TMCO4: variants seen among roughly 807,000 people sequenced by gnomAD.
TMCO4 encodes the protein transmembrane and coiled-coil domains 4, also known as transmembrane and coiled-coil domain-containing protein 4.
A neutral mutation model predicts 64.7 loss-of-function variants in TMCO4; 58 were observed. The ratio of observed to expected loss-of-function variants is 0.90; its 90% CI spans 0.73 to 1.12. The LOEUF (loss-of-function observed/expected upper bound fraction) is 1.12, where lower values mean the gene tolerates loss of function less well. TMCO4 is among the 50% of genes most tolerant of loss of function. The pLI, the probability that TMCO4 is intolerant of heterozygous loss-of-function variation, is 0.00. For synonymous variants in TMCO4, 325 were observed against 346.1 expected (o/e 0.94, Z 0.68); for missense variants, 780 against 825.9 (o/e 0.94, Z 0.68).
At chr1:19,717,633 G>A (rs1195386136) in intron 13 of TMCO4, among the ~76,000 whole-genome samples, 1 of 152,164 alleles carries the variant, frequency 6.6e-6, no homozygotes, top group African/African-American at 2.4e-5. Flanking sequence ...TCCTGCCTCT[G>A]GACTTTGGGT....
chr1:19,684,443 G>A (rs901000894), intron 15 of TMCO4, among the ~76,000 whole-genome samples: 2 of 152,094 alleles, frequency 1.3e-5, no homozygotes, highest in Admixed American at 6.6e-5. Flanking sequence ...GCAGCTCTAG[G>A]CTACTCCAGA....
intron 3 of TMCO4, among the ~76,000 whole-genome samples, chr1:19,785,381 T>C (rs1054440067): frequency 2.6e-5 from 4 of 152,270 alleles, no homozygotes; most frequent in African/African-American, 7.2e-5. Flanking sequence ...TCTTTTGTTT[T>C]GTTTTGTTTT....
chr1:19,704,764 A>C (rs1445122728), intron 13 of TMCO4, among the ~76,000 whole-genome samples: 1 of 152,172 alleles, frequency 6.6e-6, no homozygotes, highest in Non-Finnish European at 1.5e-5. Context: ...CACAGTCAGG[A>C]TCCACGGACA....
At chr1:19,781,924 G>A (rs2101077924) in intron 3 of TMCO4, among the ~76,000 whole-genome samples, 1 of 152,360 alleles carries the variant, frequency 6.6e-6, no homozygotes, top group East Asian at 1.9e-4. Context: ...GGGATTACAG[G>A]CATGAGCCAC....
intron 13 of TMCO4, among the ~76,000 whole-genome samples, chr1:19,716,354 C>G (rs926073222): frequency 6.8e-6 from 1 of 146,024 alleles, no homozygotes; most frequent in Non-Finnish European, 1.5e-5. Context: ...CCACTACGCC[C>G]GGCTATTTTT....
At chr1:19,695,845 C>G (rs2095232716) in intron 14 of TMCO4, among the ~76,000 whole-genome samples, 1 of 152,182 alleles carries the variant, frequency 6.6e-6, no homozygotes, top group African/African-American at 2.4e-5. Flanking sequence ...TCATCCGTCC[C>G]TAACTCCTTC....
chr1:19,686,094 A>C (rs2095147237), intron 15 of TMCO4, among the ~76,000 whole-genome samples: 2 of 152,158 alleles, frequency 1.3e-5, no homozygotes, highest in East Asian at 1.9e-4. Context: ...GAAGGTTAAA[A>C]ATCATCCTCA....
chr1:19,696,017 C>A (rs2095234059), intron 14 of TMCO4, among the ~76,000 whole-genome samples: 1 of 152,152 alleles, frequency 6.6e-6, no homozygotes, highest in Non-Finnish European at 1.5e-5. Context: ...CCCTCCCCGC[C>A]CCATGGATGA....
At chr1:19,794,085 CCTCCT>C (rs2044187482) in intron 2 of TMCO4, among the ~76,000 whole-genome samples, 1 of 152,032 alleles carries the variant, frequency 6.6e-6, no homozygotes, top group Admixed American at 6.6e-5. Context: ...CTAGCCACAC[CCTCCT>C]CCCTGCAGCT....
At chr1:19,737,757 G>A (rs890924289) in intron 12 of TMCO4, among the ~76,000 whole-genome samples, 1 of 152,250 alleles carries the variant, frequency 6.6e-6, no homozygotes, top group African/African-American at 2.4e-5. Context: ...TCTTCCCCAG[G>A]AGACAGGGCT....
intron 13 of TMCO4, among the ~76,000 whole-genome samples, chr1:19,720,598 C>T (rs1557509497): frequency 6.6e-6 from 1 of 152,008 alleles, no homozygotes; most frequent in Non-Finnish European, 1.5e-5. Context: ...TCCTGAAATG[C>T]CTGCAAATCT....
At chr1:19,742,127 A>C (rs1012306513) in intron 10 of TMCO4, among the ~76,000 whole-genome samples, 4 of 152,140 alleles carry the variant, frequency 2.6e-5, no homozygotes, top group African/African-American at 4.8e-5. Context: ...CCCCTAGATC[A>C]CTACCACTTG....
intron 13 of TMCO4, among the ~76,000 whole-genome samples, chr1:19,716,381 C>CTTTTTTT (rs1262772167): frequency 7.2e-5 from 9 of 124,468 alleles, no homozygotes; most frequent in African/African-American, 9.2e-5. Context: ...TTTTTTCTTT[C>CTTTTTTT]TTTTTTTTTT....
intron 3 of TMCO4, among the ~76,000 whole-genome samples, chr1:19,782,201 T>C (rs1015168031): frequency 5.3e-5 from 8 of 152,214 alleles, no homozygotes; most frequent in African/African-American, 1.2e-4. Context: ...ATATTCATAC[T>C]GTGAAACATT....
intron 13 of TMCO4, among the ~76,000 whole-genome samples, chr1:19,719,858 T>C (rs1288317030): frequency 6.6e-6 from 1 of 152,036 alleles, no homozygotes; most frequent in Admixed American, 6.5e-5. Flanking sequence ...CCAGGTTTGG[T>C]GGCAGGCACC....
At position 19,682,548 on chromosome 1, in the gene TMCO4, T is replaced by C; in HGVS notation, c.*492A>G. 1.4e-6 allele frequency: 1 copy of C among 712,414 alleles called. No homozygotes were observed. The highest frequency in any genetic ancestry group is 2.6e-6 in the Non-Finnish European group (1 of 382,202). The allele number at this position is 712,414 out of a possible 1,614,324, so 44.1% of individuals were successfully genotyped here. A position where few individuals can be genotyped will look rare whatever the true frequency, so the allele number is the denominator to read the frequency against. ...CTGCCTTCTTTGTACCTGCGCCTGC[T>C]CTGTTGCTGCCAGTTGATGGTGCCT... On this transcript the variant is annotated 3_prime_UTR_variant, in exon 16 of 16. Coordinates refer to ENST00000294543, the MANE Select transcript of TMCO4 (RefSeq NM_181719.7).
intron 7 of TMCO4, among the ~76,000 whole-genome samples, chr1:19,749,371 T>A (rs921237185): frequency 1.3e-5 from 2 of 152,012 alleles, no homozygotes; most frequent in African/African-American, 4.8e-5. Context: ...TTTTTTTTTT[T>A]CCCTTTCTTT....
At chr1:19,754,363 T>C (rs2042152542) in intron 7 of TMCO4, among the ~76,000 whole-genome samples, 1 of 152,192 alleles carries the variant, frequency 6.6e-6, no homozygotes, top group South Asian at 2.1e-4. Context: ...GATCCAGGTA[T>C]TTCTATACTG....
chr1:19,770,500 G>A, intron 6 of TMCO4, 42 bp downstream of exon 6: 3 of 1,612,878 alleles, frequency 1.9e-6, no homozygotes, highest in Non-Finnish European at 2.5e-6. Context: ...CAAGGGTGCA[G>A]ATGGGTACCC....
Sources: gnomAD v4.1 joint callset for allele counts (sites outside exome capture counted in the v4.1 genomes callset) on GRCh38, gnomAD v4.1.1 for gene constraint, MANE v1.5 for transcripts, NCBI Gene and HGNC (gene_info 2026-07-23, HGNC 2026-07-21) for gene names.